Variants in JOSD1 observed in about 807,000 individuals in gnomAD.
JOSD1 encodes Josephin domain containing 1, also known as josephin-1.
Under a neutral mutation model 24.3 loss-of-function variants are expected in JOSD1, and 11 were observed. That is an observed-to-expected ratio of 0.45 (90% CI 0.29 to 0.75). The LOEUF is 0.75. JOSD1 is among the 30% of genes least tolerant of loss of function. The pLI, the probability that JOSD1 is intolerant of heterozygous loss-of-function variation, is 0.11. For missense variants in JOSD1, 184 were observed against 253.5 expected, an observed-to-expected ratio of 0.73 and a Z score of 1.86; for synonymous variants, 106 against 93.8, an observed-to-expected ratio of 1.13 and a Z score of -0.75.
chr22:38,693,113 G>C (rs1197423099), intron 2 of JOSD1, among the ~76,000 whole-genome samples: 1 of 152,142 alleles, frequency 6.6e-6, no homozygotes. Flanking sequence ...TGGGTTTCCT[G>C]CAGAATTCTT....
intron 4 of JOSD1, 84 bp from the exon 5 acceptor site, chr22:38,688,085 C>G: frequency 1.1e-6 from 1 of 897,036 alleles, no homozygotes; most frequent in Non-Finnish European, 1.8e-6. Context: ...TGAAACCTCA[C>G]TCTACCCTCG....
At chr22:38,695,098 T>C (rs997394713) in intron 2 of JOSD1, among the ~76,000 whole-genome samples, 1 of 152,144 alleles carries the variant, frequency 6.6e-6, no homozygotes, top group Non-Finnish European at 1.5e-5. Flanking sequence ...TCAGAAAATA[T>C]GGCTCAGAAC....
In JOSD1 at chr22:38,699,818, T is replaced by G; in HGVS notation, c.170A>C (p.Gln57Pro). ...GGTCCCCTACCTCTGGAAAATCTCT[T>G]GCAGCGTATCCCGGGTGAAGGCATT... ...DSNAFTRDTL[Q>P]EIFQRLSPNT... Residue 57 changes from glutamine to proline, a missense_variant, in exon 2 of 5, where the codon CAA (glutamine) becomes CCA (proline). Gln to Pro is a moderately conservative substitution (Grantham distance 76). Coordinates refer to ENST00000683374, the MANE Select transcript of JOSD1 (RefSeq NM_001360236.2). 2.5e-6 allele frequency: 4 copies of G among 1,614,200 alleles called. No homozygotes were observed. The highest frequency in any genetic ancestry group is 3.4e-6 in the Non-Finnish European group (4 of 1,180,030).
intron 2 of JOSD1, among the ~76,000 whole-genome samples, chr22:38,698,338 A>G (rs1012365300): frequency 2.6e-5 from 4 of 152,216 alleles, no homozygotes; most frequent in African/African-American, 9.6e-5. Flanking sequence ...TACTACTGGC[A>G]TTGGAAAATA....
At chr22:38,688,297 T>C (rs967830771) in intron 4 of JOSD1, among the ~76,000 whole-genome samples, 3 of 152,230 alleles carry the variant, frequency 2.0e-5, no homozygotes, top group Non-Finnish European at 2.9e-5. Context: ...AGTTTCGCTC[T>C]TGTCGCCTGG....
rs115568456 is a variant in JOSD1 at position 38,689,102 on chromosome 22, G to A, written c.342C>T (p.Asn114=). 1.8e-4 allele frequency: 297 copies of A among 1,614,046 alleles called. 3 individuals are homozygous for A. In the East Asian group the frequency reaches 6.3e-3, roughly 34 times the overall value. ...GCAGATTCATGATGAAGCCCATGAC[G>A]TTAGTGAGGGCAATGACACCGACAT... is the stretch of plus-strand genomic sequence containing the variant. The part of the protein sequence containing the change: ...RRDVGVIALT[N]VMGFIMNLPS... Residue 114 remains asparagine, a synonymous_variant, in exon 4 of 5, where the codon AAC becomes AAT. Coordinates refer to ENST00000683374, the MANE Select transcript of JOSD1 (RefSeq NM_001360236.2).
chr22:38,688,463 G>A (rs2092507680), intron 4 of JOSD1, among the ~76,000 whole-genome samples: 1 of 152,092 alleles, frequency 6.6e-6, no homozygotes, highest in African/African-American at 2.4e-5. Context: ...GAGTTTCACC[G>A]TGTTGGTCAG....
upstream of JOSD1, chr22:38,701,103 C>G (rs1161300521): frequency 3.8e-6 from 2 of 521,288 alleles, no homozygotes; most frequent in African/African-American, 4.1e-5. Flanking sequence ...GCCGCAGACG[C>G]CGGGCGTGTA....
Position 38,688,934 on chromosome 22 carries a change from C to T in JOSD1, c.509+1G>A. On this transcript the variant is annotated splice_donor_variant, in intron 4 of 4. Transcript: ENST00000683374. LOFTEE classifies it high-confidence loss of function. ...ACTTAGTCACAAAAGGTGCCGATTA[C>T]CTGAGCTCGCTCTCGCCTCCAATCC... is the stretch of plus-strand genomic sequence containing the variant. 6.2e-7 allele frequency: 1 copy of T among 1,612,202 alleles called. No homozygotes were observed. The highest frequency in any genetic ancestry group is 8.5e-7 in the Non-Finnish European group (1 of 1,178,732).
chr22:38,695,450 T>A (rs998929116), intron 2 of JOSD1, among the ~76,000 whole-genome samples: 2 of 150,254 alleles, frequency 1.3e-5, no homozygotes, highest in African/African-American at 4.9e-5. Flanking sequence ...CCTAGTTTTT[T>A]TTTTTTTTTT....
At chr22:38,691,199 T>G (rs2092520448) in intron 2 of JOSD1, among the ~76,000 whole-genome samples, 1 of 151,836 alleles carries the variant, frequency 6.6e-6, no homozygotes, top group East Asian at 2.0e-4. Context: ...ACACTGTCTC[T>G]GCAAAAAATA....
upstream of JOSD1, chr22:38,701,140 TGCAAA>T (rs2145823548): frequency 3.7e-6 from 1 of 273,632 alleles, no homozygotes; most frequent in East Asian, 1.8e-4. Flanking sequence ...GTTGGGGTGT[TGCAAA>T]GGCCGTGGGT....
Position 38,700,173 on chromosome 22 carries a change from CTCTCT to C in JOSD1, c.-191_-187del, listed in dbSNP as rs957122803. 9.2e-6 allele frequency: 12 copies of C among 1,310,216 alleles called. No individual in the cohort carries two copies. In the African/African-American group the frequency reaches 1.5e-4, roughly 17 times the overall value. 81.2% of individuals were successfully genotyped at this position (1,310,216 alleles called of 1,614,324 possible). ...AGGAAAAAAATAAAACCCACCTCTTCTCTCTTCTCAATAGAAAAATAACTTTTGGA... is the reference window on the plus strand; with the variant it reads ...AGGAAAAAAATAAAACCCACCTCTTCTCTCAATAGAAAAATAACTTTTGGA... On this transcript the variant is annotated 5_prime_UTR_variant, in exon 2 of 5. Transcript: ENST00000683374.
At position 38,700,302 on chromosome 22, in the gene JOSD1, C is replaced by A. The variant is rs998106571; in HGVS notation, c.-315G>T. ...TTTCCCCACCCTTCCCTCCCACCCC[C>A]CTCCAAAATCCCCACGATTTTCTTG... On this transcript the variant is annotated 5_prime_UTR_variant, in exon 2 of 5. Transcript: ENST00000683374. 7.8e-5 allele frequency: 81 copies of A among 1,037,558 alleles called. No homozygotes were observed. The African/African-American group carries it at 1.1e-3, about 14-fold the overall frequency. 64.3% of individuals were successfully genotyped at this position (1,037,558 alleles called of 1,614,324 possible).
intron 2 of JOSD1, among the ~76,000 whole-genome samples, chr22:38,690,866 C>A (rs1188197950): frequency 6.6e-6 from 1 of 151,700 alleles, no homozygotes; most frequent in African/African-American, 2.4e-5. Flanking sequence ...ACTAAAAATA[C>A]AAAAATTAGC....
At chr22:38,695,881 C>T (rs1038438412) in intron 2 of JOSD1, among the ~76,000 whole-genome samples, 6 of 152,178 alleles carry the variant, frequency 3.9e-5, no homozygotes, top group Non-Finnish European at 7.4e-5. Context: ...CATGGTGAAA[C>T]CCCGTCTCTA....
In JOSD1 at chr22:38,686,006, T is replaced by C. The variant is rs1049474727; in HGVS notation, c.*1896A>G. 1 of 152,656 alleles carries C rather than the reference T, an allele frequency of 6.6e-6. No individual in the cohort carries two copies. Among genetic ancestry groups the C allele is most frequent in the African/African-American group, 2.4e-5 (1 of 41,448 alleles). 9.5% of individuals were successfully genotyped at this position (152,656 alleles called of 1,614,324 possible). ...TCTACCCAAGAAATGGCTTACTATCTGACAGTGCCAGTGGCCCCAAGGTCC... is the reference window on the plus strand; with the variant it reads ...TCTACCCAAGAAATGGCTTACTATCCGACAGTGCCAGTGGCCCCAAGGTCC... On this transcript the variant is annotated 3_prime_UTR_variant, in exon 5 of 5. Transcript: ENST00000683374.
Position 38,694,860 on chromosome 22 carries a change from T to G in JOSD1, c.185+4943A>C, listed in dbSNP as rs2092538039. Reference sequence around the variant, plus strand: ...CTGGACAAGAGAGCGAGAGACTCAGTCTCAAAAAAAAAAAAAAAAAAAAAA... The same window carrying G: ...CTGGACAAGAGAGCGAGAGACTCAGGCTCAAAAAAAAAAAAAAAAAAAAAA... On this transcript the variant is annotated intron_variant, in intron 2 of 4. Transcript: ENST00000683374. 3.3e-5 allele frequency among the ~76,000 whole-genome samples: 3 copies of G among 89,954 alleles called. No homozygotes were observed. The South Asian group carries it at 1.1e-3, about 32-fold the overall frequency. 59.0% of individuals were successfully genotyped at this position (89,954 alleles called of 152,430 possible). A position where few individuals can be genotyped will look rare whatever the true frequency, so the allele number is the denominator to read the frequency against.
chr22:38,698,604 G>A (rs1266161184), intron 2 of JOSD1, among the ~76,000 whole-genome samples: 3 of 152,120 alleles, frequency 2.0e-5, no homozygotes, highest in Admixed American at 6.5e-5. Flanking sequence ...AGGACTGCGC[G>A]GGCCTAACTA....
Sources: allele counts gnomAD v4.1 joint callset (sites outside exome capture counted in the v4.1 genomes callset), GRCh38; gene constraint gnomAD v4.1.1; transcripts MANE v1.5; gene names NCBI Gene and HGNC (gene_info 2026-07-23, HGNC 2026-07-21).